The following NCKAP1L variants were observed in gnomAD, a reference collection of about 807,000 sequenced individuals.
NCKAP1L encodes NCK associated protein 1 like.
NCKAP1L carries 53 observed loss-of-function variants against 139.2 expected under a neutral mutation model. That is an observed-to-expected ratio of 0.38 (90% confidence interval 0.31 to 0.48). The LOEUF (loss-of-function observed/expected upper bound fraction) is 0.48. Among genes scored for constraint, NCKAP1L ranks in the 20% least tolerant of loss-of-function variants. The probability of loss-of-function intolerance (pLI) is 0.98; values close to 1 mark genes in which losing one functional copy is unlikely to be tolerated. For missense variants in NCKAP1L, 1,151 were observed against 1,381.9 expected (o/e 0.83, Z 2.65); for synonymous variants, 468 against 499.7 (o/e 0.94, Z 0.85).
rs1956954796 is a variant in NCKAP1L, at chr12:54,518,742, G to A, written c.1420+10G>A. The A allele has an allele frequency of 6.2e-7, 1 of 1,601,230 alleles. No homozygotes were observed. The highest frequency in any genetic ancestry group is 8.6e-7 in the Non-Finnish European group (1 of 1,168,374). ...CTGAATCTCAAACAAGGTAACTGGA[G>A]GGAGGTGGGGGAGGCAGGACATATG... On this transcript the variant is annotated intron_variant, in intron 14 of 30. Coordinates refer to ENST00000293373, the MANE Select transcript of NCKAP1L (RefSeq NM_005337.5).
At chr12:54,531,188 A>G in intron 22 of NCKAP1L, 72 bp from the exon 23 acceptor site, 5 of 1,131,910 alleles carry the variant, frequency 4.4e-6, no homozygotes, top group Non-Finnish European at 6.6e-6. Flanking sequence ...TATTCAAATT[A>G]CCCTATAGCT....
At chr12:54,536,881 C>T (rs991209172) in intron 28 of NCKAP1L, 63 bp from the exon 29 acceptor site, 2 of 1,167,196 alleles carry the variant, frequency 1.7e-6, no homozygotes, top group Admixed American at 1.7e-5. Flanking sequence ...TTTGGGTCAT[C>T]CTGGAGTGGC....
In NCKAP1L at chr12:54,509,994, C is replaced by A. The variant is rs757405820; in HGVS notation, c.735+9C>A. 6.2e-7 allele frequency: 1 copy of A among 1,613,816 alleles called. No individual in the cohort carries two copies. The highest frequency in any genetic ancestry group is 1.7e-5 in the Admixed American group (1 of 60,006). ...CTGCTAATTCAGATACAGTGAGTGC[C>A]CTTTTCCTTTTGTTAGTGGAAGCAT... On this transcript the variant is annotated intron_variant, in intron 7 of 30. Transcript: ENST00000293373.
chr12:54,525,955 ATAGT>A (rs1156505062), intron 20 of NCKAP1L, among the ~76,000 whole-genome samples: 1 of 152,028 alleles, frequency 6.6e-6, no homozygotes, highest in Non-Finnish European at 1.5e-5. Context: ...TATAGTGTGG[ATAGT>A]TATTCTCCCC....
rs551982090 is a variant in NCKAP1L at position 54,542,165 on chromosome 12, C to G, written c.3274-410C>G. 5.9e-5 allele frequency among the ~76,000 whole-genome samples: 9 copies of G among 152,284 alleles called. 1 individual carries two copies. The South Asian group carries it at 8.3e-4, about 14-fold the overall frequency. On this transcript the variant is annotated intron_variant, in intron 30 of 30. Transcript: ENST00000293373. Reference sequence around the variant, plus strand: ...AGGACCCATGTGGATTCCAGGCCCCCTTCCGTGGCCTGCAGTGGTGTTTGT... The same window carrying G: ...AGGACCCATGTGGATTCCAGGCCCCGTTCCGTGGCCTGCAGTGGTGTTTGT...
intron 26 of NCKAP1L, among the ~76,000 whole-genome samples, chr12:54,534,303 C>T (rs1244489372): frequency 1.3e-5 from 2 of 152,208 alleles, no homozygotes; most frequent in Non-Finnish European, 2.9e-5. Context: ...AACTTTTAGT[C>T]AAGGTCACAC....
chr12:54,498,575 G>A (rs1956769712), intron 1 of NCKAP1L, among the ~76,000 whole-genome samples: 1 of 152,048 alleles, frequency 6.6e-6, no homozygotes, highest in African/African-American at 2.4e-5. Context: ...CTTTGGGGGA[G>A]GGAGCTTTTG....
In NCKAP1L at chr12:54,518,900, C is replaced by T. The variant is rs375036834; in HGVS notation, c.1421-14C>T. 90 of 1,611,320 alleles carry T rather than the reference C, an allele frequency of 5.6e-5. No individual in the cohort carries two copies. The highest frequency in any genetic ancestry group is 3.5e-4 in the South Asian group (32 of 91,020). ...TGTTTATTGTTTCCTTTTATACTTC[C>T]GTTTTTCTTGCAGTTGATAATGGAG... is the stretch of plus-strand genomic sequence containing the variant. On this transcript the variant is annotated splice_polypyrimidine_tract_variant and intron_variant, in intron 14 of 30. Coordinates refer to ENST00000293373, the MANE Select transcript of NCKAP1L (RefSeq NM_005337.5).
chr12:54,508,706 C>T (rs895464471), intron 5 of NCKAP1L, among the ~76,000 whole-genome samples, 175 bp downstream of exon 5: 5 of 152,156 alleles, frequency 3.3e-5, no homozygotes, highest in Admixed American at 6.5e-5. Flanking sequence ...TGAAACAACA[C>T]GGGTTTGAAC....
intron 28 of NCKAP1L, 147 bp from the exon 29 acceptor site, chr12:54,536,797 A>C: frequency 1.7e-6 from 1 of 589,308 alleles, no homozygotes; most frequent in South Asian, 2.1e-5. Flanking sequence ...TCCTGCCTCT[A>C]ATCTCAAAAT....
chr12:54,545,859 C>A lies in NCKAP1L; in HGVS notation c.*3174C>A, dbSNP rs1395020546. ...TGGGGCAAGATACTTGCATAGGTGCCCCCTTTTGTTTGGACAGTAGAAACA... is the reference window on the plus strand; with the variant it reads ...TGGGGCAAGATACTTGCATAGGTGCACCCTTTTGTTTGGACAGTAGAAACA... On this transcript the variant is annotated 3_prime_UTR_variant, in exon 31 of 31. Coordinates refer to ENST00000293373, the MANE Select transcript of NCKAP1L (RefSeq NM_005337.5). The A allele has an allele frequency of 1.3e-5, 2 of 152,212 alleles. No individual in the cohort carries two copies. Among genetic ancestry groups the A allele is most frequent in the African/African-American group, 4.8e-5 (2 of 41,440 alleles). The allele number at this position is 152,212 out of a possible 1,614,324, so 9.4% of individuals were successfully genotyped here.
At chr12:54,518,066 C>A in intron 13 of NCKAP1L, 128 bp downstream of exon 13, 2 of 1,104,692 alleles carry the variant, frequency 1.8e-6, no homozygotes, top group Non-Finnish European at 1.3e-6. Flanking sequence ...CTAGGCTGGG[C>A]GCGGTGGCTC....
At chr12:54,516,057 C>G (rs1956927819) in intron 9 of NCKAP1L, among the ~76,000 whole-genome samples, 182 bp from the exon 10 acceptor site, 2 of 152,126 alleles carry the variant, frequency 1.3e-5, no homozygotes, top group South Asian at 4.1e-4. Context: ...TGAATGATCT[C>G]TAAGCTGTGA....
intron 20 of NCKAP1L, among the ~76,000 whole-genome samples, chr12:54,524,169 G>C (rs1592347085): frequency 6.6e-6 from 1 of 152,136 alleles, no homozygotes; most frequent in East Asian, 1.9e-4. Flanking sequence ...CTCTATAGGT[G>C]GTTTTGATGA....
chr12:54,524,818 A>G (rs1440635638), intron 20 of NCKAP1L, among the ~76,000 whole-genome samples: 1 of 152,110 alleles, frequency 6.6e-6, no homozygotes, highest in Non-Finnish European at 1.5e-5. Context: ...GGGAGATAGG[A>G]GGATGTGCGG....
At position 54,518,689 on chromosome 12, in the gene NCKAP1L, G is replaced by A; in HGVS notation, c.1377G>A (p.Met459Ile). 1 of 1,614,058 alleles carries A rather than the reference G, an allele frequency of 6.2e-7. No individual in the cohort carries two copies. The highest frequency in any genetic ancestry group is 8.5e-7 in the Non-Finnish European group (1 of 1,179,962). The change falls in exon 14 of 31, where the codon ATG becomes ATA. Residue 459 changes from methionine (M) to isoleucine (I), a missense_variant. Physicochemically the swap from Met to Ile is conservative, Grantham distance 10. Coordinates refer to ENST00000293373, the MANE Select transcript of NCKAP1L (RefSeq NM_005337.5). The stretch of plus-strand genomic sequence containing the variant: ...GTCCAGAGGAGGAGTCCATCATCAT[G>A]TCCTCATTCGTCAGTATCCTCTCCT... ...SVCPEEESIIMSSFVSILSSL... is the reference protein window; with the variant it reads ...SVCPEEESIIISSFVSILSSL...
Position 54,536,236 on chromosome 12 carries a change from G to C in NCKAP1L, c.3064G>C (p.Glu1022Gln), listed in dbSNP as rs1217755366. 1 of 1,607,192 alleles carries C rather than the reference G, an allele frequency of 6.2e-7. No homozygotes were observed. The highest frequency in any genetic ancestry group is 8.5e-7 in the Non-Finnish European group (1 of 1,174,622). Residue 1022 changes from glutamate to glutamine, a missense_variant, in exon 28 of 31, where the codon GAG becomes CAG. Transcript: ENST00000293373. ...TGACCCTTCTTCCTTTTATAGCATT[G>C]AGAAGGATGGTAAGTAAGGGGTAGG... ...ATDPSSFYSI[E>Q]KDGYNNNIHC... is the part of the protein sequence containing the mutation.
chr12:54,525,130 G>A (rs1409519730), intron 20 of NCKAP1L, among the ~76,000 whole-genome samples: 7 of 152,172 alleles, frequency 4.6e-5, no homozygotes, highest in Non-Finnish European at 8.8e-5. Context: ...GGCAGATTGT[G>A]TATGCGCTTA....
intron 7 of NCKAP1L, chr12:54,510,358 CTG>C: frequency 4.7e-6 from 2 of 428,832 alleles, no homozygotes; most frequent in South Asian, 3.5e-5. Context: ...GTGTCTTACT[CTG>C]TCACCCAGGC....
Sources: allele counts gnomAD v4.1 joint callset (sites outside exome capture counted in the v4.1 genomes callset), GRCh38; gene constraint gnomAD v4.1.1; transcripts MANE v1.5; gene names NCBI Gene and HGNC (gene_info 2026-07-23, HGNC 2026-07-21).